The following TSNARE1 variants were observed in gnomAD, a reference collection of about 807,000 sequenced individuals.
TSNARE1 encodes t-SNARE domain containing 1, also known as t-SNARE domain-containing protein 1.
TSNARE1 carries 49 observed loss-of-function variants against 62.0 expected under a neutral mutation model. The ratio of observed to expected loss-of-function variants is 0.79; its 90% CI spans 0.63 to 1.00. The LOEUF (loss-of-function observed/expected upper bound fraction) is 1.00. Ranked by LOEUF, TSNARE1 falls within the 50% of genes least tolerant of loss-of-function variation. The pLI, the probability that TSNARE1 is intolerant of heterozygous loss-of-function variation, is 0.00. For missense variants in TSNARE1, 755 were observed against 700.1 expected, an observed-to-expected ratio of 1.08 and a Z score of -0.88; for synonymous variants, 328 against 294.4, an observed-to-expected ratio of 1.11 and a Z score of -1.17.
chr8:142,269,482 T>C lies in TSNARE1; in HGVS notation c.1446+5299A>G, dbSNP rs1315409786. 9 of 985,396 alleles carry C rather than the reference T, an allele frequency of 9.1e-6. No homozygotes were observed. The East Asian group carries it at 9.1e-4, about 99-fold the overall frequency. 61.0% of individuals were successfully genotyped at this position (985,396 alleles called of 1,614,324 possible). A position where few individuals can be genotyped will look rare whatever the true frequency, so the allele number is the denominator to read the frequency against. The stretch of plus-strand genomic sequence containing the variant: ...CGAGGCCACTGTCAGCCGTGCTGGG[T>C]ATCTTTATTTATTAAGCTTTATTTT... On this transcript the variant is annotated intron_variant, in intron 12 of 13. Transcript: ENST00000524325.
At chr8:142,343,020 G>A (rs577628411) in intron 4 of TSNARE1, among the ~76,000 whole-genome samples, 5 of 152,036 alleles carry the variant, frequency 3.3e-5, no homozygotes, top group African/African-American at 7.3e-5. Context: ...GCACCTGCCC[G>A]GGCCCACCAC....
chr8:142,238,453 G>A (rs1817539753), intron 12 of TSNARE1, among the ~76,000 whole-genome samples: 2 of 152,124 alleles, frequency 1.3e-5, no homozygotes, highest in South Asian at 2.1e-4. Context: ...CCAGTCAGCA[G>A]GGAGACACAT....
chr8:142,275,282 C>T (rs904054081), intron 11 of TSNARE1: 12 of 985,338 alleles, frequency 1.2e-5, no homozygotes, highest in African/African-American at 1.7e-5. Flanking sequence ...GGAGTTGCGA[C>T]GCGGCTGATG....
chr8:142,349,501 T>C (rs1485900171), intron 2 of TSNARE1, among the ~76,000 whole-genome samples: 1 of 151,796 alleles, frequency 6.6e-6, no homozygotes, highest in African/African-American at 2.4e-5. Context: ...AGGAGGGAAA[T>C]GATGAAACTA....
rs545092332 is a variant in TSNARE1, at chr8:142,271,760, G to A, written c.1446+3021C>T. The A allele has an allele frequency of 9.4e-5, 111 of 1,177,826 alleles. No individual in the cohort carries two copies. In the African/African-American group the frequency reaches 1.6e-3, roughly 17 times the overall value. 73.0% of individuals were successfully genotyped at this position (1,177,826 alleles called of 1,614,324 possible). A position where few individuals can be genotyped will look rare whatever the true frequency, so the allele number is the denominator to read the frequency against. ...CCCAGTGATCTGGAGGGTGAGCAGG[G>A]TGCAGGGAGAGTGCCCATGTGAGGC... On this transcript the variant is annotated intron_variant, in intron 12 of 13. Coordinates refer to ENST00000524325, the MANE Select transcript of TSNARE1 (RefSeq NM_145003.5).
chr8:142,257,580 G>A (rs777060932), intron 12 of TSNARE1, among the ~76,000 whole-genome samples: 51 of 152,140 alleles, frequency 3.4e-4, no homozygotes, highest in Non-Finnish European at 6.5e-4. Context: ...CTCCCCTGCC[G>A]CTGCAGGGGT....
upstream of TSNARE1, chr8:142,404,263 GCA>G (rs1446127994): frequency 6.6e-6 from 1 of 152,246 alleles, no homozygotes; most frequent in African/African-American, 2.4e-5. Flanking sequence ...GCATGTGTGC[GCA>G]CACGGGTTCT....
chr8:142,318,720 C>A, intron 6 of TSNARE1, 86 bp from the exon 7 acceptor site: 2 of 1,299,404 alleles, frequency 1.5e-6, no homozygotes, highest in Non-Finnish European at 2.2e-6. Flanking sequence ...CAAGCAGGGA[C>A]GCACGGGCCG....
intron 10 of TSNARE1, among the ~76,000 whole-genome samples, chr8:142,295,663 T>C (rs2131185566): frequency 6.6e-6 from 1 of 152,312 alleles, no homozygotes; most frequent in Admixed American, 6.5e-5. Flanking sequence ...TTTAGTGTAT[T>C]TATCAACTCC....
At chr8:142,226,268 C>T (rs1018911428) in intron 13 of TSNARE1, among the ~76,000 whole-genome samples, 13 of 152,210 alleles carry the variant, frequency 8.5e-5, no homozygotes, top group Non-Finnish European at 1.5e-4. Flanking sequence ...CCAGTGTGGG[C>T]GAGAGGGGTG....
intron 12 of TSNARE1, chr8:142,273,603 G>A (rs1006332238): frequency 1.2e-5 from 12 of 985,318 alleles, no homozygotes; most frequent in Non-Finnish European, 1.3e-5. Flanking sequence ...AACAGGGACT[G>A]ACCCTTGGTG....
At chr8:142,283,904 C>T (rs1726781314) in intron 11 of TSNARE1, among the ~76,000 whole-genome samples, 1 of 141,546 alleles carries the variant, frequency 7.1e-6, no homozygotes, top group South Asian at 2.5e-4. Context: ...GAGGCGGGGC[C>T]AGTGTCTGTC....
intron 3 of TSNARE1, 73 bp from the exon 4 acceptor site, chr8:142,344,545 T>G: frequency 7.2e-7 from 1 of 1,394,332 alleles, no homozygotes; most frequent in East Asian, 2.7e-5. Context: ...GGCAGCTCCC[T>G]ACGGCGCCTC....
chr8:142,323,318 CG>C (rs1439293028), intron 6 of TSNARE1, among the ~76,000 whole-genome samples: 1 of 152,110 alleles, frequency 6.6e-6, no homozygotes. Context: ...TTGGGCAGCA[CG>C]GGGGGCAGCA....
chr8:142,382,749 A>C (rs1836859396), intron 1 of TSNARE1, among the ~76,000 whole-genome samples: 1 of 152,216 alleles, frequency 6.6e-6, no homozygotes, highest in East Asian at 1.9e-4. Context: ...TCCAGGAGAG[A>C]AGGGGCCCGG....
At chr8:142,371,584 A>T (rs1479038705) in intron 1 of TSNARE1, among the ~76,000 whole-genome samples, 1 of 152,208 alleles carries the variant, frequency 6.6e-6, no homozygotes, top group Non-Finnish European at 1.5e-5. Context: ...AACCAGGATC[A>T]CAGTCACCCT....
chr8:142,314,279 C>T (rs1828150952), intron 9 of TSNARE1, 105 bp downstream of exon 9: 2 of 1,085,752 alleles, frequency 1.8e-6, no homozygotes, highest in African/African-American at 1.6e-5. Context: ...CCTCAGATGA[C>T]ACCCCTGCCC....
intron 13 of TSNARE1, among the ~76,000 whole-genome samples, chr8:142,213,373 CT>C (rs951005654): frequency 2.0e-5 from 3 of 149,298 alleles, no homozygotes; most frequent in Non-Finnish European, 4.5e-5. Context: ...TCACGTGCCC[CT>C]CTAGCCTTGG....
chr8:142,255,536 TCACCATCACCACCACC>T lies in TSNARE1; in HGVS notation c.1446+19229_1446+19244del, dbSNP rs1818408303. Among the ~76,000 whole-genome samples the T allele has an allele frequency of 1.6e-4, 4 of 24,568 alleles. 1 individual carries two copies. In the East Asian group the frequency reaches 3.6e-3, roughly 22 times the overall value. The allele number at this position is 24,568 out of a possible 152,430, so 16.1% of individuals were successfully genotyped here. ...ACCATCACCACCACCACCACCACCA[TCACCATCACCACCACC>T]ATCACCATCACCACCATCACCATCA... On this transcript the variant is annotated intron_variant, in intron 12 of 13. Transcript: ENST00000524325.
Sources: allele counts gnomAD v4.1 joint callset (sites outside exome capture counted in the v4.1 genomes callset), GRCh38; gene constraint gnomAD v4.1.1; transcripts MANE v1.5; gene names NCBI Gene and HGNC (gene_info 2026-07-23, HGNC 2026-07-21).